Variants in TSPAN14 observed in about 807,000 individuals in gnomAD.
TSPAN14 encodes the protein tetraspanin 14.
TSPAN14 carries 16 observed loss-of-function variants against 36.6 expected under a neutral mutation model. The ratio of observed to expected loss-of-function variants is 0.44; its 90% CI spans 0.30 to 0.66. The LOEUF (loss-of-function observed/expected upper bound fraction) is 0.66, where lower values mean the gene tolerates loss of function less well. Among genes scored for constraint, TSPAN14 ranks in the 30% least tolerant of loss-of-function variants. The pLI, the probability that TSPAN14 is intolerant of heterozygous loss-of-function variation, is 0.12. For synonymous variants in TSPAN14, 139 were observed against 143.8 expected (o/e 0.97, Z 0.24); for missense variants, 231 against 355.1 (o/e 0.65, Z 2.81).
chr10:80,472,193 C>CT (rs202024572), intron 1 of TSPAN14, among the ~76,000 whole-genome samples: 37 of 151,494 alleles, frequency 2.4e-4, no homozygotes, highest in African/African-American at 7.8e-4. Context: ...GTTTTGTTTG[C>CT]TTTTTTTTTG....
intron 1 of TSPAN14, among the ~76,000 whole-genome samples, chr10:80,486,134 T>G (rs964757967): frequency 6.6e-6 from 1 of 152,192 alleles, no homozygotes; most frequent in African/African-American, 2.4e-5. Flanking sequence ...GGTGTAGGTG[T>G]GGACCCCAGC....
intron 4 of TSPAN14, among the ~76,000 whole-genome samples, chr10:80,508,287 T>C (rs1840415372): frequency 6.6e-6 from 1 of 152,142 alleles, no homozygotes; most frequent in Admixed American, 6.5e-5. Context: ...GGCTAATTTT[T>C]TTTTGTATTT....
At chr10:80,454,398 G>T in intron 1 of TSPAN14, 27 bp downstream of exon 1, 1 of 152,530 alleles carries the variant, frequency 6.6e-6, no homozygotes, top group South Asian at 1.8e-4. Flanking sequence ...GACCTGGCTG[G>T]GGCGTCGGGC....
chr10:80,466,898 T>C (rs1412212914), intron 1 of TSPAN14, among the ~76,000 whole-genome samples: 1 of 152,220 alleles, frequency 6.6e-6, no homozygotes, highest in Non-Finnish European at 1.5e-5. Context: ...TGGGATATCA[T>C]GAAACGGGCT....
chr10:80,517,266 T>C (rs1359386486), intron 8 of TSPAN14, among the ~76,000 whole-genome samples: 1 of 152,180 alleles, frequency 6.6e-6, no homozygotes, highest in East Asian at 1.9e-4. Flanking sequence ...ATTTGCAAAA[T>C]AGGCAAGGGA....
chr10:80,499,480 G>C (rs921720725), intron 2 of TSPAN14, among the ~76,000 whole-genome samples: 8 of 152,188 alleles, frequency 5.3e-5, no homozygotes, highest in African/African-American at 1.7e-4. Flanking sequence ...CTGTAGAGCT[G>C]CACAACCCCA....
At chr10:80,505,607 T>G (rs1840246088) in intron 3 of TSPAN14, among the ~76,000 whole-genome samples, 1 of 152,224 alleles carries the variant, frequency 6.6e-6, no homozygotes, top group Non-Finnish European at 1.5e-5. Flanking sequence ...TGCCATGGTC[T>G]TAGGGACTGG....
chr10:80,511,992 C>G (rs528212835), intron 5 of TSPAN14, 152 bp from the exon 6 acceptor site: 24 of 1,235,970 alleles, frequency 1.9e-5, no homozygotes, highest in Non-Finnish European at 2.5e-5. Flanking sequence ...AGCTTAGCAT[C>G]TCTGCACATG....
chr10:80,456,238 A>G (rs1845729846), intron 1 of TSPAN14, among the ~76,000 whole-genome samples: 2 of 152,124 alleles, frequency 1.3e-5, no homozygotes, highest in Non-Finnish European at 2.9e-5. Context: ...TAGCAGGATC[A>G]TTTAGGGAGA....
At chr10:80,507,899 CATT>C (rs1033964734) in intron 4 of TSPAN14, among the ~76,000 whole-genome samples, 1 of 152,072 alleles carries the variant, frequency 6.6e-6, no homozygotes, top group African/African-American at 2.4e-5. Context: ...GGGGAAAACA[CATT>C]ATCATATTTT....
chr10:80,468,178 C>T (rs1188711782), intron 1 of TSPAN14, among the ~76,000 whole-genome samples: 1 of 152,114 alleles, frequency 6.6e-6, no homozygotes, highest in Non-Finnish European at 1.5e-5. Flanking sequence ...TCTGGGCCCG[C>T]CCACCCAAAC....
Position 80,489,334 on chromosome 10 carries a change from C to G in TSPAN14, c.81+20C>G, listed in dbSNP as rs1036012267. The G allele has an allele frequency of 3.4e-6, 5 of 1,461,564 alleles. No homozygotes were observed. Among genetic ancestry groups the G allele is most frequent in the African/African-American group, 1.4e-5 (1 of 71,712 alleles). The allele number at this position is 1,461,564 out of a possible 1,614,324, so 90.5% of individuals were successfully genotyped here. On this transcript the variant is annotated intron_variant, in intron 2 of 8. Transcript: ENST00000429989. ...TTCTGGGTAAGTGGATGAGAGCTGC[C>G]ACATTCCCTTGTTTAGTCCTTCATT...
chr10:80,474,686 A>G (rs1459753249), intron 1 of TSPAN14, among the ~76,000 whole-genome samples: 1 of 152,048 alleles, frequency 6.6e-6, no homozygotes, highest in Admixed American at 6.6e-5. Context: ...AGGAGGGGCA[A>G]ACACTCCAGG....
intron 1 of TSPAN14, among the ~76,000 whole-genome samples, chr10:80,477,689 G>A (rs542078597): frequency 3.9e-5 from 6 of 152,228 alleles, no homozygotes; most frequent in Admixed American, 2.0e-4. Context: ...TCCTTCCACC[G>A]TGATGCTGGG....
At chr10:80,520,402 G>C (rs1367585430) in exon 9 of TSPAN14, 3 of 407,512 alleles carry the variant, frequency 7.4e-6, no homozygotes, top group African/African-American at 4.1e-5. Flanking sequence ...TCTCCGCCCA[G>C]CATCGGCTGT....
intron 1 of TSPAN14, among the ~76,000 whole-genome samples, chr10:80,455,761 C>T (rs1309425195): frequency 6.6e-6 from 1 of 152,042 alleles, no homozygotes; most frequent in Non-Finnish European, 1.5e-5. Flanking sequence ...CCCTGTATGC[C>T]CTTCTATCCC....
At chr10:80,497,722 C>T (rs977158826) in intron 2 of TSPAN14, among the ~76,000 whole-genome samples, 8 of 152,156 alleles carry the variant, frequency 5.3e-5, no homozygotes, top group East Asian at 1.9e-4. Flanking sequence ...GGTTCCTGGG[C>T]GGGGCTCAGT....
chr10:80,464,326 G>A (rs1346198095), intron 1 of TSPAN14, among the ~76,000 whole-genome samples: 1 of 152,198 alleles, frequency 6.6e-6, no homozygotes, highest in African/African-American at 2.4e-5. Flanking sequence ...AAAGGCACCT[G>A]GTGAAAATAA....
intron 1 of TSPAN14, among the ~76,000 whole-genome samples, chr10:80,469,524 C>G (rs72819581): frequency 0.023 from 3,487 of 152,244 alleles, 52 homozygotes; most frequent in Middle Eastern, 0.041. Flanking sequence ...GACCCTGACT[C>G]TCCTGCTCAG....
Sources: allele counts gnomAD v4.1 joint callset (sites outside exome capture counted in the v4.1 genomes callset), GRCh38; gene constraint gnomAD v4.1.1; transcripts MANE v1.5; gene names NCBI Gene and HGNC (gene_info 2026-07-23, HGNC 2026-07-21).